CPLX1: variants seen among roughly 807,000 people sequenced by gnomAD.
CPLX1 encodes the protein complexin-1.
CPLX1 carries 6 observed loss-of-function variants against 15.6 expected under a neutral mutation model. The observed-to-expected ratio is 0.39, with a 90% CI of 0.21 to 0.76. The LOEUF (loss-of-function observed/expected upper bound fraction) is 0.76, where lower values mean the gene tolerates loss of function less well. Among genes scored for constraint, CPLX1 ranks in the 30% least tolerant of loss-of-function variants. The pLI, the probability that CPLX1 is intolerant of heterozygous loss-of-function variation, is 0.43. For synonymous variants in CPLX1, 91 were observed against 75.2 expected, an observed-to-expected ratio of 1.21 and a Z score of -1.08; for missense variants, 242 against 188.6, an observed-to-expected ratio of 1.28 and a Z score of -1.66.
chr4:810,462 G>A (rs1227851327), intron 2 of CPLX1, among the ~76,000 whole-genome samples: 1 of 152,158 alleles, frequency 6.6e-6, no homozygotes, highest in Middle Eastern at 3.2e-3. Context: ...TTCCAGTGCG[G>A]TTGTGCCATT....
chr4:796,640 A>G (rs1291981421), intron 2 of CPLX1, among the ~76,000 whole-genome samples: 1 of 152,220 alleles, frequency 6.6e-6, no homozygotes, highest in African/African-American at 2.4e-5. Context: ...AACTACGGGG[A>G]AAATTATAGA....
chr4:801,578 C>T (rs370908293), intron 2 of CPLX1, among the ~76,000 whole-genome samples: 50 of 152,326 alleles, frequency 3.3e-4, no homozygotes, highest in African/African-American at 1.1e-3. Flanking sequence ...TTACAACTTC[C>T]GTGCCATTCA....
intron 2 of CPLX1, among the ~76,000 whole-genome samples, chr4:808,549 C>T (rs1190377557): frequency 6.6e-6 from 1 of 152,168 alleles, no homozygotes; most frequent in African/African-American, 2.4e-5. Context: ...AAGCTAACGG[C>T]AAAACGAATC....
chr4:786,338 G>T lies in CPLX1; in HGVS notation c.*163C>A. On this transcript the variant is annotated 3_prime_UTR_variant, in exon 4 of 4. Transcript: ENST00000304062. Reference sequence around the variant, plus strand: ...GACTGGGGGGGTCCTGGGGGCGCGCGCCCCTTGCCGGGTGAGGGAGGCGGC... The same window carrying T: ...GACTGGGGGGGTCCTGGGGGCGCGCTCCCCTTGCCGGGTGAGGGAGGCGGC... The T allele has an allele frequency of 3.1e-6, 2 of 642,068 alleles. No homozygotes were observed. Among genetic ancestry groups the T allele is most frequent in the Non-Finnish European group, 4.8e-6 (2 of 418,218 alleles). 39.8% of individuals were successfully genotyped at this position (642,068 alleles called of 1,614,324 possible). A position where few individuals can be genotyped will look rare whatever the true frequency, so the allele number is the denominator to read the frequency against.
At chr4:808,941 T>C (rs2152646515) in intron 2 of CPLX1, among the ~76,000 whole-genome samples, 1 of 152,362 alleles carries the variant, frequency 6.6e-6, no homozygotes, top group Non-Finnish European at 1.5e-5. Context: ...GGGTTATTTT[T>C]GTGAAATTAA....
chr4:786,859 C>CGG (rs145744400), intron 3 of CPLX1, 161 bp from the exon 4 acceptor site: 12 of 982,378 alleles, frequency 1.2e-5, no homozygotes, highest in African/African-American at 1.7e-5. Flanking sequence ...GACCCCACCC[C>CGG]GGGGGGTCCC....
Position 824,561 on chromosome 4 carries a change from C to T in CPLX1, c.-39G>A. On this transcript the variant is annotated 5_prime_UTR_variant, in exon 2 of 4. Coordinates refer to ENST00000304062, the MANE Select transcript of CPLX1 (RefSeq NM_006651.4). ...CTTCCACAGTGGCTCCTCCAGGGGT[C>T]AGAACTCACACGCAAGTATGGCCGG... The T allele has an allele frequency of 6.2e-7, 1 of 1,609,626 alleles. No homozygotes were observed. The highest frequency in any genetic ancestry group is 8.5e-7 in the Non-Finnish European group (1 of 1,176,904).
chr4:810,210 C>T (rs1367261383), intron 2 of CPLX1, among the ~76,000 whole-genome samples: 11 of 151,936 alleles, frequency 7.2e-5, no homozygotes, highest in Non-Finnish European at 1.2e-4. Flanking sequence ...CAACCACGCC[C>T]GGCTAATTTT....
chr4:795,685 G>A (rs1746313313), intron 2 of CPLX1, among the ~76,000 whole-genome samples: 1 of 152,122 alleles, frequency 6.6e-6, no homozygotes, highest in East Asian at 1.9e-4. Context: ...CGGCAATGAC[G>A]GGGCTGGCAA....
At chr4:814,976 G>T (rs966116122) in intron 2 of CPLX1, among the ~76,000 whole-genome samples, 23 of 152,200 alleles carry the variant, frequency 1.5e-4, no homozygotes, top group African/African-American at 5.6e-4. Context: ...TTATCTGGGG[G>T]CTCCCAAAAC....
intron 2 of CPLX1, among the ~76,000 whole-genome samples, chr4:810,329 G>A (rs1454204618): frequency 1.9e-4 from 29 of 152,308 alleles, no homozygotes; most frequent in African/African-American, 6.0e-4. Context: ...GATTACAGGC[G>A]TGAGCCACCA....
chr4:788,255 G>C (rs1746061092), intron 3 of CPLX1: 6 of 985,244 alleles, frequency 6.1e-6, no homozygotes, highest in African/African-American at 3.5e-5. Flanking sequence ...CCAAATGGAG[G>C]GGGGGCTGCC....
intron 2 of CPLX1, among the ~76,000 whole-genome samples, chr4:821,323 A>T (rs1162742587): frequency 6.6e-6 from 1 of 152,080 alleles, no homozygotes; most frequent in Non-Finnish European, 1.5e-5. Flanking sequence ...TGGGGCAGTC[A>T]GAGGCTCTCC....
intron 2 of CPLX1, among the ~76,000 whole-genome samples, chr4:802,017 C>T (rs1746469488): frequency 6.6e-6 from 1 of 152,218 alleles, no homozygotes; most frequent in Non-Finnish European, 1.5e-5. Flanking sequence ...TACAACTGAA[C>T]ATGCCACCAA....
chr4:806,688 A>G (rs1746561324), intron 2 of CPLX1, among the ~76,000 whole-genome samples: 1 of 152,176 alleles, frequency 6.6e-6, no homozygotes, highest in African/African-American at 2.4e-5. Flanking sequence ...AACCCAAACG[A>G]AAGACATTTA....
intron 2 of CPLX1, among the ~76,000 whole-genome samples, chr4:810,205 A>T (rs1384297108): frequency 6.6e-6 from 1 of 151,080 alleles, no homozygotes; most frequent in Non-Finnish European, 1.5e-5. Context: ...GCCTGCAACC[A>T]CGCCCGGCTA....
At chr4:807,641 A>T (rs969412170) in intron 2 of CPLX1, among the ~76,000 whole-genome samples, 1 of 151,072 alleles carries the variant, frequency 6.6e-6, no homozygotes, top group Non-Finnish European at 1.5e-5. Context: ...TGCCCGGCCA[A>T]TTTTTTTTTA....
At chr4:821,578 C>T (rs149677744) in intron 2 of CPLX1, among the ~76,000 whole-genome samples, 2 of 152,340 alleles carry the variant, frequency 1.3e-5, no homozygotes, top group South Asian at 2.1e-4. Context: ...CGTTCCTCCA[C>T]GCTGTCCACA....
At chr4:787,373 C>T in intron 3 of CPLX1, 1 of 985,356 alleles carries the variant, frequency 1.0e-6, no homozygotes, top group Non-Finnish European at 1.2e-6. Context: ...GTGCGTCTGC[C>T]CTCCGTAGTA....
Sources: gnomAD v4.1 joint callset for allele counts (sites outside exome capture counted in the v4.1 genomes callset) on GRCh38, gnomAD v4.1.1 for gene constraint, MANE v1.5 for transcripts, NCBI Gene and HGNC (gene_info 2026-07-23, HGNC 2026-07-21) for gene names.